Variants in VWA5B1 observed in about 807,000 individuals in gnomAD.
The protein encoded by VWA5B1 is von Willebrand factor A domain containing 5B1, also known as von Willebrand factor A domain-containing protein 5B1.
In VWA5B1, 115 loss-of-function variants were observed where a neutral mutation model predicts 118.2. The ratio of observed to expected loss-of-function variants is 0.97; its 90% CI spans 0.84 to 1.14. The LOEUF (loss-of-function observed/expected upper bound fraction) is 1.14, where lower values mean the gene tolerates loss of function less well. Among genes scored for constraint, VWA5B1 ranks in the 50% most tolerant of loss-of-function variants. The pLI is 0.00. For missense variants in VWA5B1, 1,596 were observed against 1,603.8 expected, an observed-to-expected ratio of 1.00 and a Z score of 0.08; for synonymous variants, 682 against 658.4, an observed-to-expected ratio of 1.04 and a Z score of -0.55.
At chr1:20,310,299 A>G (rs968365195) in intron 1 of VWA5B1, among the ~76,000 whole-genome samples, 5 of 152,148 alleles carry the variant, frequency 3.3e-5, no homozygotes, top group Non-Finnish European at 5.9e-5. Context: ...TCTAGCCCTG[A>G]CTGTGCGCCA....
Position 20,353,819 on chromosome 1 carries a change from C to T in VWA5B1, c.3204C>T (p.His1068=). The T allele has an allele frequency of 1.3e-6, 2 of 1,504,206 alleles. No individual in the cohort carries two copies. The highest frequency in any genetic ancestry group is 4.9e-5 in the East Asian group (2 of 40,582). The allele number at this position is 1,504,206 out of a possible 1,614,324, so 93.2% of individuals were successfully genotyped here. A position where few individuals can be genotyped will look rare whatever the true frequency, so the allele number is the denominator to read the frequency against. ...LLNEAFCEAT[H]IPMEKLKWTS... is the part of the protein sequence containing the mutation. Reference sequence around the variant, plus strand: ...ACGAAGCCTTCTGTGAGGCCACGCACATCCCCATGGAGAAGCTCAAGTGGA... The same window carrying T: ...ACGAAGCCTTCTGTGAGGCCACGCATATCCCCATGGAGAAGCTCAAGTGGA... Residue 1068 remains histidine, a synonymous_variant, in exon 22 of 22, where the codon CAC becomes CAT. Coordinates refer to ENST00000289815, the MANE Select transcript of VWA5B1 (RefSeq NM_001039500.3).
At chr1:20,352,258 C>G in intron 21 of VWA5B1, 86 bp downstream of exon 21, 1 of 1,033,216 alleles carries the variant, frequency 9.7e-7, no homozygotes, top group Admixed American at 2.6e-5. Flanking sequence ...CACCTCTCCA[C>G]TTCCTCAAAG....
At chr1:20,345,044 G>A (rs1329789967) in intron 16 of VWA5B1, among the ~76,000 whole-genome samples, 3 of 152,210 alleles carry the variant, frequency 2.0e-5, no homozygotes, top group Admixed American at 1.3e-4. Flanking sequence ...AGTTAAATGG[G>A]TCAGATAAGT....
At chr1:20,317,010 G>T (rs2089030723) in intron 4 of VWA5B1, among the ~76,000 whole-genome samples, 1 of 151,804 alleles carries the variant, frequency 6.6e-6, no homozygotes, top group Non-Finnish European at 1.5e-5. Flanking sequence ...AAAAAAATGA[G>T]CCGTGCGTAG....
At position 20,307,875 on chromosome 1, in the gene VWA5B1, T is replaced by A. The variant is rs921632545; in HGVS notation, c.-26-2701T>A. 9.3e-5 allele frequency among the ~76,000 whole-genome samples: 14 copies of A among 151,074 alleles called. No individual in the cohort carries two copies. In the East Asian group the frequency reaches 9.6e-4, roughly 10 times the overall value. The stretch of plus-strand genomic sequence containing the variant: ...TGCGTGCATGTGTGTGTATTTTTTT[T>A]AAGATAATTTCAACTTTTAGATTTA... On this transcript the variant is annotated intron_variant, in intron 1 of 21. Coordinates refer to ENST00000289815, the MANE Select transcript of VWA5B1 (RefSeq NM_001039500.3).
rs747345009 is a variant in VWA5B1, at chr1:20,330,911, G to A, written c.1500G>A (p.Leu500=). 1.4e-4 allele frequency: 219 copies of A among 1,551,636 alleles called. No homozygotes were observed. The highest frequency in any genetic ancestry group is 9.6e-6 in the Non-Finnish European group (11 of 1,147,008). The change falls in exon 11 of 22, where the codon CTG becomes CTA. Residue 500 remains leucine (L), a synonymous_variant. Coordinates refer to ENST00000289815, the MANE Select transcript of VWA5B1 (RefSeq NM_001039500.3). ...TTGGACCCAACGTCTGCCACAGACT[G>A]GTGAAAGGACTGGCATCTGTGTCCG... is the stretch of plus-strand genomic sequence containing the variant. ...FGIGPNVCHR[L]VKGLASVSEG... is the part of the protein sequence containing the mutation.
intron 1 of VWA5B1, among the ~76,000 whole-genome samples, chr1:20,302,710 A>C (rs151298389): frequency 6.6e-6 from 1 of 152,192 alleles, no homozygotes; most frequent in Non-Finnish European, 1.5e-5. Context: ...TGCTGGTGGC[A>C]GGGGGCAATC....
chr1:20,353,040 C>T (rs2090160617), intron 21 of VWA5B1, among the ~76,000 whole-genome samples: 1 of 152,066 alleles, frequency 6.6e-6, no homozygotes, highest in Non-Finnish European at 1.5e-5. Context: ...GACATCTAGA[C>T]CAGGCTTGAG....
In VWA5B1 at chr1:20,356,498, C is replaced by T. The variant is rs545541614; in HGVS notation, c.*2235C>T. Among the ~76,000 whole-genome samples, 18 of 152,290 alleles carry T rather than the reference C, an allele frequency of 1.2e-4. No individual in the cohort carries two copies. In the East Asian group the frequency reaches 3.5e-3, roughly 29 times the overall value. On this transcript the variant is annotated 3_prime_UTR_variant, in exon 22 of 22. Transcript: ENST00000289815. Reference sequence around the variant, plus strand: ...CACCTCCCTGCCCCACCAGATGAGTCTGATTCTGGGTCTCCAGGCCTCAGC... The same window carrying T: ...CACCTCCCTGCCCCACCAGATGAGTTTGATTCTGGGTCTCCAGGCCTCAGC...
At chr1:20,305,391 C>G (rs1374592551) in intron 1 of VWA5B1, among the ~76,000 whole-genome samples, 1 of 152,034 alleles carries the variant, frequency 6.6e-6, no homozygotes, top group Admixed American at 6.6e-5. Flanking sequence ...GAGATGATGG[C>G]AGGGCTTGGG....
At chr1:20,293,133 A>G (rs1322038093) in intron 1 of VWA5B1, among the ~76,000 whole-genome samples, 1 of 152,170 alleles carries the variant, frequency 6.6e-6, no homozygotes, top group Non-Finnish European at 1.5e-5. Flanking sequence ...TGATGACACC[A>G]GTGTTCTGTT....
intron 2 of VWA5B1, among the ~76,000 whole-genome samples, chr1:20,311,255 G>A (rs1204813739): frequency 1.3e-5 from 2 of 152,204 alleles, no homozygotes; most frequent in African/African-American, 4.8e-5. Flanking sequence ...TTACAGGCAT[G>A]AGCCACAGCG....
chr1:20,349,152 A>G, intron 18 of VWA5B1: 1 of 423,066 alleles, frequency 2.4e-6, no homozygotes. Flanking sequence ...ACAGAAACAG[A>G]ACACAGTGTG....
Position 20,312,971 on chromosome 1 carries a change from G to C in VWA5B1, c.275G>C (p.Arg92Pro). Residue 92 changes from arginine (R) to proline (P), a missense_variant, in exon 3 of 22, where the codon CGA becomes CCA. Arg to Pro is a moderately radical substitution (Grantham distance 103). Transcript: ENST00000289815. Reference protein sequence around the residue: ...ESGHFDASHVRSPTVTGNILQ... With the variant: ...ESGHFDASHVPSPTVTGNILQ... ...GGCCACTTCGATGCCTCCCATGTTC[G>C]ATCCCCAACAGTCACAGGTAAGGAG... The C allele has an allele frequency of 6.4e-7, 1 of 1,551,518 alleles. No individual in the cohort carries two copies. The highest frequency in any genetic ancestry group is 2.4e-5 in the East Asian group (1 of 40,896).
At chr1:20,340,539 G>A (rs1318523911) in intron 14 of VWA5B1, among the ~76,000 whole-genome samples, 4 of 152,168 alleles carry the variant, frequency 2.6e-5, no homozygotes, top group African/African-American at 7.2e-5. Flanking sequence ...ATACTTGATA[G>A]GGATGGAAAA....
rs577117979 is a variant in VWA5B1 at position 20,354,107 on chromosome 1, T to C, written c.3492T>C (p.Ala1164=). Residue 1164 remains alanine, a synonymous_variant, in exon 22 of 22, where the codon GCT becomes GCC. Transcript: ENST00000289815. The part of the protein sequence containing the change: ...ASYFTEWELV[A]AKANSWLEQQ... Reference sequence around the variant, plus strand: ...ACTTCACTGAGTGGGAGTTGGTGGCTGCCAAGGCCAACTCATGGCTGGAGC... The same window carrying C: ...ACTTCACTGAGTGGGAGTTGGTGGCCGCCAAGGCCAACTCATGGCTGGAGC... The C allele has an allele frequency of 1.2e-4, 193 of 1,551,402 alleles. No homozygotes were observed. In the African/African-American group the frequency reaches 2.5e-3, roughly 20 times the overall value.
In VWA5B1 at chr1:20,314,497, C is replaced by A. The variant is rs562282893; in HGVS notation, c.468C>A (p.Ser156Arg). 1.4e-5 allele frequency: 21 copies of A among 1,551,768 alleles called. No homozygotes were observed. Among genetic ancestry groups the A allele is most frequent in the Non-Finnish European group, 1.7e-5 (20 of 1,147,010 alleles). ...CCTCGGAGCTCCCAACGCTGCCCAG[C>A]GGGGCTGTGAGGGTCCTTCTGCCTG... is the stretch of plus-strand genomic sequence containing the variant. ...STSSELPTLP[S>R]GAVRVLLPAV... is the part of the protein sequence containing the mutation. The change falls in exon 4 of 22, where the codon AGC (serine) becomes AGA (arginine). Residue 156 changes from serine (S) to arginine (R), a missense_variant. Physicochemically the swap from Ser to Arg is moderately radical, Grantham distance 110. Transcript: ENST00000289815.
chr1:20,338,278 C>T (rs564915336), intron 14 of VWA5B1: 4 of 352,052 alleles, frequency 1.1e-5, no homozygotes, highest in Non-Finnish European at 2.2e-5. Flanking sequence ...TTTATTCCCC[C>T]TCATTAGATT....
intron 1 of VWA5B1, among the ~76,000 whole-genome samples, chr1:20,300,629 A>G (rs532886674): frequency 9.2e-5 from 14 of 152,298 alleles, no homozygotes; most frequent in African/African-American, 2.9e-4. Context: ...AAATGGGGAT[A>G]ATAGCCTTGC....
Sources: allele counts gnomAD v4.1 joint callset (sites outside exome capture counted in the v4.1 genomes callset), GRCh38; gene constraint gnomAD v4.1.1; transcripts MANE v1.5; gene names NCBI Gene and HGNC (gene_info 2026-07-23, HGNC 2026-07-21).